Variants in SNX22 observed in about 807,000 individuals in gnomAD.
SNX22 encodes the protein sorting nexin-22.
SNX22 carries 23 observed loss-of-function variants against 24.7 expected under a neutral mutation model. That is an observed-to-expected ratio of 0.93 (90% CI 0.67 to 1.32). SNX22 has a LOEUF of 1.32. Ranked by LOEUF, SNX22 falls within the 40% of genes most tolerant of loss-of-function variation. The pLI is 0.00. For synonymous variants in SNX22, 99 were observed against 104.0 expected (o/e 0.95, Z 0.29); for missense variants, 261 against 249.9 (o/e 1.04, Z -0.30).
At position 64,156,099 on chromosome 15, in the gene SNX22, T is replaced by G; in HGVS notation, c.*1591T>G. On this transcript the variant is annotated 3_prime_UTR_variant, in exon 7 of 7. Transcript: ENST00000325881. This position sits in a 1 kb window ranked among gnomAD's most constrained non-coding sequence, Gnocchi z 6.4. The stretch of plus-strand genomic sequence containing the variant: ...TGCGATGATCACATCCTTCAGGGGT[T>G]TATCCCGGCTGTCTGTCTTGGTGCT... 1 of 1,614,214 alleles carries G rather than the reference T, an allele frequency of 6.2e-7. No individual in the cohort carries two copies. The highest frequency in any genetic ancestry group is 8.5e-7 in the Non-Finnish European group (1 of 1,180,048).
Position 64,156,137 on chromosome 15 carries a change from C to T in SNX22, c.*1629C>T, listed in dbSNP as rs1767679913. On this transcript the variant is annotated 3_prime_UTR_variant, in exon 7 of 7. Coordinates refer to ENST00000325881, the MANE Select transcript of SNX22 (RefSeq NM_024798.3). This position sits in a 1 kb window ranked among gnomAD's most constrained non-coding sequence, Gnocchi z 6.4. Reference sequence around the variant, plus strand: ...CTGTCTTGGTGCTCTCCACCTTCCGCACCACCTCCTGGAAAAGAAAGGTGG... The same window carrying T: ...CTGTCTTGGTGCTCTCCACCTTCCGTACCACCTCCTGGAAAAGAAAGGTGG... The T allele has an allele frequency of 1.9e-6, 3 of 1,614,156 alleles. No homozygotes were observed. Among genetic ancestry groups the T allele is most frequent in the East Asian group, 2.2e-5 (1 of 44,878 alleles).
chr15:64,156,011 T>C lies in SNX22; in HGVS notation c.*1503T>C, dbSNP rs763342854. On this transcript the variant is annotated 3_prime_UTR_variant, in exon 7 of 7. Coordinates refer to ENST00000325881, the MANE Select transcript of SNX22 (RefSeq NM_024798.3). The surrounding 1 kb of genome is among the most constrained non-coding windows in gnomAD (Gnocchi z 6.4). ...GCACAGACGGTCACTCAAAGAAAGA[T>C]GTCCCTGTGCCCTACTCCTTGGCGA... 67 of 1,613,974 alleles carry C rather than the reference T, an allele frequency of 4.2e-5. No homozygotes were observed. Among genetic ancestry groups the C allele is most frequent in the Non-Finnish European group, 5.6e-5 (66 of 1,179,996 alleles).
In SNX22 at chr15:64,152,759, T is replaced by A; in HGVS notation, c.264+17T>A. The A allele has an allele frequency of 6.2e-7, 1 of 1,611,166 alleles. No homozygotes were observed. Among genetic ancestry groups the A allele is most frequent in the South Asian group, 1.1e-5 (1 of 91,006 alleles). ...TACATCCAGGTATGCGAGAGCACAG[T>A]TGGTTGCCCCCCGGCCTTCTGTGCC... is the stretch of plus-strand genomic sequence containing the variant. On this transcript the variant is annotated intron_variant, in intron 3 of 6. Transcript: ENST00000325881.
In SNX22 at chr15:64,156,746, A is replaced by C; in HGVS notation, c.*2238A>C. 6.2e-7 allele frequency: 1 copy of C among 1,614,180 alleles called. No individual in the cohort carries two copies. Among genetic ancestry groups the C allele is most frequent in the South Asian group, 1.1e-5 (1 of 91,074 alleles). ...TCACCATGCCCTCTAGAACTTTGCC[A>C]AACACCACATGCTTGCCATCTAGCC... On this transcript the variant is annotated 3_prime_UTR_variant, in exon 7 of 7. Coordinates refer to ENST00000325881, the MANE Select transcript of SNX22 (RefSeq NM_024798.3). This position sits in a 1 kb window ranked among gnomAD's most constrained non-coding sequence, Gnocchi z 6.4.
At chr15:64,151,977 C>T in intron 1 of SNX22, 127 bp downstream of exon 1, 1 of 1,018,418 alleles carries the variant, frequency 9.8e-7, no homozygotes, top group South Asian at 1.8e-5. Context: ...CGGGGGAAAC[C>T]TTGTCGAGGG....
In SNX22 at chr15:64,156,937, G is replaced by A; in HGVS notation, c.*2429G>A. ...GGGAAAAAAGACAGAGCAGGTCAGGGGCGCTGGATTGCGCCAAACCAAGCA... is the reference window on the plus strand; with the variant it reads ...GGGAAAAAAGACAGAGCAGGTCAGGAGCGCTGGATTGCGCCAAACCAAGCA... On this transcript the variant is annotated 3_prime_UTR_variant, in exon 7 of 7. Coordinates refer to ENST00000325881, the MANE Select transcript of SNX22 (RefSeq NM_024798.3). The surrounding 1 kb of genome is among the most constrained non-coding windows in gnomAD (Gnocchi z 6.4). The A allele has an allele frequency of 6.2e-7, 1 of 1,612,232 alleles. No individual in the cohort carries two copies. The highest frequency in any genetic ancestry group is 1.1e-5 in the South Asian group (1 of 91,024).
chr15:64,154,264 G>C, intron 6 of SNX22, 123 bp from the exon 7 acceptor site: 6 of 1,579,778 alleles, frequency 3.8e-6, no homozygotes, highest in Non-Finnish European at 5.2e-6. Context: ...CTTCATTTGG[G>C]GTGGACAGCT....
chr15:64,157,120 TGTG>T lies in SNX22; in HGVS notation c.*2616_*2618del, dbSNP rs542049949. On this transcript the variant is annotated 3_prime_UTR_variant, in exon 7 of 7. Transcript: ENST00000325881. The surrounding 1 kb of genome is among the most constrained non-coding windows in gnomAD (Gnocchi z 4.2). ...CAAGTGGGGCATCAGGCCAGGCTGA[TGTG>T]GTGAACAGCTCACAGAAGGATTACT... 335 of 601,108 alleles carry T rather than the reference TGTG, an allele frequency of 5.6e-4. No homozygotes were observed. The highest frequency in any genetic ancestry group is 8.5e-4 in the Non-Finnish European group (288 of 338,900). 37.2% of individuals were successfully genotyped at this position (601,108 alleles called of 1,614,324 possible). A position where few individuals can be genotyped will look rare whatever the true frequency, so the allele number is the denominator to read the frequency against.
At position 64,152,238 on chromosome 15, in the gene SNX22, G is replaced by T. The variant is rs940308710; in HGVS notation, c.76-5G>T. ...CGCAGACCCGCTGCCCGCCCGCGCC[G>T]CCAGGTGTTCCGAGTGGAGGTGCTG... On this transcript the variant is annotated splice_polypyrimidine_tract_variant and splice_region_variant and intron_variant, in intron 1 of 6. Coordinates refer to ENST00000325881, the MANE Select transcript of SNX22 (RefSeq NM_024798.3). 5.0e-6 allele frequency: 7 copies of T among 1,399,248 alleles called. No individual in the cohort carries two copies. The highest frequency in any genetic ancestry group is 7.1e-5 in the Admixed American group (2 of 28,122). 86.7% of individuals were successfully genotyped at this position (1,399,248 alleles called of 1,614,324 possible). A position where few individuals can be genotyped will look rare whatever the true frequency, so the allele number is the denominator to read the frequency against.
chr15:64,155,920 C>T lies in SNX22; in HGVS notation c.*1412C>T. Reference sequence around the variant, plus strand: ...CCTGTGGAATGTGAGGGGAGTGGGTCCGCTCCACCAGATGCCAGCACCGGG... The same window carrying T: ...CCTGTGGAATGTGAGGGGAGTGGGTTCGCTCCACCAGATGCCAGCACCGGG... On this transcript the variant is annotated 3_prime_UTR_variant, in exon 7 of 7. Coordinates refer to ENST00000325881, the MANE Select transcript of SNX22 (RefSeq NM_024798.3). 1 of 1,569,962 alleles carries T rather than the reference C, an allele frequency of 6.4e-7. No individual in the cohort carries two copies. The highest frequency in any genetic ancestry group is 8.7e-7 in the Non-Finnish European group (1 of 1,146,850).
At position 64,153,632 on chromosome 15, in the gene SNX22, A is replaced by T. The variant is rs1407673995; in HGVS notation, c.360-20A>T. The T allele has an allele frequency of 1.2e-6, 2 of 1,613,910 alleles. No individual in the cohort carries two copies. The highest frequency in any genetic ancestry group is 2.2e-5 in the South Asian group (2 of 91,082). ...CCCCCGGCATCCCCAGGCAGCTTAC[A>T]GTGTTTCTCTTCTCTTCAGCACCCT... On this transcript the variant is annotated intron_variant, in intron 4 of 6. Transcript: ENST00000325881.
chr15:64,152,558 G>T (rs959837096), intron 2 of SNX22, 80 bp from the exon 3 acceptor site: 2 of 1,416,032 alleles, frequency 1.4e-6, no homozygotes, highest in Non-Finnish European at 9.8e-7. Flanking sequence ...GCGGGGGCGC[G>T]GGAGGGCTTC....
intron 6 of SNX22, 93 bp from the exon 7 acceptor site, chr15:64,154,293 AG>A: frequency 6.3e-7 from 1 of 1,587,046 alleles, no homozygotes; most frequent in Non-Finnish European, 8.6e-7. Context: ...CTGCCTTGGC[AG>A]GGGCTCCTAC....
intron 4 of SNX22, 144 bp downstream of exon 4, chr15:64,153,483 C>G (rs202114261): frequency 1.4e-5 from 3 of 211,518 alleles, no homozygotes; most frequent in Non-Finnish European, 2.2e-5. Flanking sequence ...GGTGGAGGGG[C>G]TTTTTTTTGG....
At chr15:64,151,956 G>A (rs2081489265) in intron 1 of SNX22, 106 bp downstream of exon 1, 1 of 1,142,010 alleles carries the variant, frequency 8.8e-7, no homozygotes, top group African/African-American at 1.6e-5. Context: ...GAGCGCTGCG[G>A]GCTGGACCGT....
Position 64,154,662 on chromosome 15 carries a change from C to T in SNX22, c.*154C>T. 1.0e-6 allele frequency: 1 copy of T among 988,640 alleles called. No individual in the cohort carries two copies. The highest frequency in any genetic ancestry group is 1.5e-6 in the Non-Finnish European group (1 of 672,326). The allele number at this position is 988,640 out of a possible 1,614,324, so 61.2% of individuals were successfully genotyped here. A position where few individuals can be genotyped will look rare whatever the true frequency, so the allele number is the denominator to read the frequency against. ...TTCCCACTCAAGGCTCAGAACTTGGCTCGCATTGGTAGCTGGAGGTGGTAG... is the reference window on the plus strand; with the variant it reads ...TTCCCACTCAAGGCTCAGAACTTGGTTCGCATTGGTAGCTGGAGGTGGTAG... On this transcript the variant is annotated 3_prime_UTR_variant, in exon 7 of 7. Coordinates refer to ENST00000325881, the MANE Select transcript of SNX22 (RefSeq NM_024798.3).
In SNX22 at chr15:64,156,580, G is replaced by C; in HGVS notation, c.*2072G>C. Reference sequence around the variant, plus strand: ...AACCTTGGAGGCATGGAGGTACAGGGTTTATTCTGGACAGGAGCACTGGGC... The same window carrying C: ...AACCTTGGAGGCATGGAGGTACAGGCTTTATTCTGGACAGGAGCACTGGGC... On this transcript the variant is annotated 3_prime_UTR_variant, in exon 7 of 7. Transcript: ENST00000325881. This position sits in a 1 kb window ranked among gnomAD's most constrained non-coding sequence, Gnocchi z 6.4. 9.8e-7 allele frequency: 1 copy of C among 1,024,122 alleles called. No individual in the cohort carries two copies. Among genetic ancestry groups the C allele is most frequent in the East Asian group, 2.4e-5 (1 of 42,130 alleles). 63.4% of individuals were successfully genotyped at this position (1,024,122 alleles called of 1,614,324 possible).
At chr15:64,151,931 C>T (rs1296964039) in intron 1 of SNX22, 81 bp downstream of exon 1, 37 of 1,338,330 alleles carry the variant, frequency 2.8e-5, no homozygotes, top group Non-Finnish European at 3.5e-5. Flanking sequence ...ACCCGGGGCC[C>T]GGGCCTGGGT....
chr15:64,155,401 GCA>G lies in SNX22; in HGVS notation c.*894_*895del, dbSNP rs2081520576. On this transcript the variant is annotated 3_prime_UTR_variant, in exon 7 of 7. Coordinates refer to ENST00000325881, the MANE Select transcript of SNX22 (RefSeq NM_024798.3). ...TAATAAAGGAAGAAGTCAGCTGGGT[GCA>G]GAGGCTCATGCCTGTAATCCCAATA... 6.5e-6 allele frequency: 1 copy of G among 153,386 alleles called. No homozygotes were observed. The allele number at this position is 153,386 out of a possible 1,614,324, so 9.5% of individuals were successfully genotyped here. A position where few individuals can be genotyped will look rare whatever the true frequency, so the allele number is the denominator to read the frequency against.
Sources: gnomAD v4.1 joint callset for allele counts on GRCh38, gnomAD v4.1.1 for gene constraint, Gnocchi (gnomAD v3.1) non-coding constraint, MANE v1.5 for transcripts, NCBI Gene and HGNC (gene_info 2026-07-23, HGNC 2026-07-21) for gene names.